The following UTP20 variants were observed in gnomAD, a reference collection of about 807,000 sequenced individuals.
The protein encoded by UTP20 is small subunit processome component 20 homolog.
In UTP20, 164 loss-of-function variants were observed where a neutral mutation model predicts 329.5. The observed-to-expected ratio is 0.50, with a 90% CI of 0.44 to 0.57. The LOEUF is 0.57. UTP20 is among the 20% of genes least tolerant of loss of function. UTP20 has a pLI of 0.00. For missense variants in UTP20, 3,055 were observed against 3,284.2 expected (o/e 0.93, Z 1.71); for synonymous variants, 1,151 against 1,159.3 (o/e 0.99, Z 0.14).
intron 51 of UTP20, among the ~76,000 whole-genome samples, chr12:101,371,557 A>C (rs1475565410): frequency 1.0e-5 from 1 of 100,272 alleles, no homozygotes; most frequent in Non-Finnish European, 1.8e-5. Context: ...TTTGAGACGG[A>C]GTCTCACTCT....
At chr12:101,287,608 C>G (rs1012890724) in intron 5 of UTP20, among the ~76,000 whole-genome samples, 9 of 152,136 alleles carry the variant, frequency 5.9e-5, no homozygotes, top group Non-Finnish European at 1.0e-4. Flanking sequence ...GAGTGTCTGC[C>G]GTATGCCAGG....
At chr12:101,335,573 G>T (rs1438852317) in intron 29 of UTP20, among the ~76,000 whole-genome samples, 1 of 152,146 alleles carries the variant, frequency 6.6e-6, no homozygotes, top group Non-Finnish European at 1.5e-5. Flanking sequence ...CTAGACCATT[G>T]TCTTCTTTGT....
intron 3 of UTP20, 48 bp downstream of exon 3, chr12:101,285,684 A>T: frequency 6.2e-7 from 1 of 1,613,534 alleles, no homozygotes. Flanking sequence ...TTTGCACTTT[A>T]TATGTTCCAT....
At chr12:101,380,199 G>A (rs555083895) in intron 57 of UTP20, among the ~76,000 whole-genome samples, 36 of 151,998 alleles carry the variant, frequency 2.4e-4, no homozygotes, top group African/African-American at 7.7e-4. Flanking sequence ...GCAACATGGC[G>A]AAAACCTATC....
chr12:101,338,580 A>T (rs965266564), intron 30 of UTP20, among the ~76,000 whole-genome samples: 3 of 152,224 alleles, frequency 2.0e-5, no homozygotes, highest in Non-Finnish European at 4.4e-5. Context: ...TTACCAAAAA[A>T]TGGTTTAAAT....
intron 51 of UTP20, among the ~76,000 whole-genome samples, chr12:101,372,249 A>G (rs555899831): frequency 2.8e-4 from 43 of 152,302 alleles, no homozygotes; most frequent in African/African-American, 1.0e-3. Flanking sequence ...TTAATAAAGG[A>G]GGCTAGATAC....
intron 54 of UTP20, 139 bp downstream of exon 54, chr12:101,373,906 A>G (rs1870383311): frequency 3.8e-6 from 4 of 1,056,248 alleles, no homozygotes; most frequent in Non-Finnish European, 5.3e-6. Context: ...TGCAAATAGT[A>G]TATTCTTAAA....
chr12:101,288,983 A>T lies in UTP20; in HGVS notation c.539A>T (p.His180Leu). ...IYSMYSTLLA[H>L]KKLHIRNFAA... Reference sequence around the variant, plus strand: ...AGCATGTACAGCACACTCCTGGCTCATAAAAAACTACATATAAGAAATTTT... The same window carrying T: ...AGCATGTACAGCACACTCCTGGCTCTTAAAAAACTACATATAAGAAATTTT... Residue 180 changes from histidine to leucine, a missense_variant, in exon 6 of 62, where the codon CAT (histidine) becomes CTT (leucine). His to Leu is a moderately conservative substitution (Grantham distance 99, BLOSUM62 -3). Around this residue, in one of 3 missense-constraint regions of UTP20, gnomAD observed 2,445 missense variants for 2,575.5 expected, o/e 0.95. Coordinates refer to ENST00000261637, the MANE Select transcript of UTP20 (RefSeq NM_014503.3). The T allele has an allele frequency of 6.2e-7, 1 of 1,613,958 alleles. No individual in the cohort carries two copies.
rs753739452 is a variant in UTP20, at chr12:101,290,733, G to T, written c.736G>T (p.Ala246Ser). Reference sequence around the variant, plus strand: ...ATGTTAATGACTTGTATTCCCACAGGCAGTGAAGCTAATTTTGCGAAAGCT... The same window carrying T: ...ATGTTAATGACTTGTATTCCCACAGTCAGTGAAGCTAATTTTGCGAAAGCT... The part of the protein sequence containing the change: ...RNMFHSCTGQ[A>S]VKLILRKLGP... Residue 246 changes from alanine (A) to serine (S), a missense_variant and splice_region_variant, in exon 8 of 62, where the codon GCA becomes TCA. This residue lies in a region of UTP20 where 2,445 missense variants were observed against 2,575.5 expected (regional missense o/e 0.95). Transcript: ENST00000261637. The T allele has an allele frequency of 7.5e-6, 12 of 1,605,060 alleles. No individual in the cohort carries two copies. Among genetic ancestry groups the T allele is most frequent in the Non-Finnish European group, 1.0e-5 (12 of 1,177,390 alleles).
Position 101,375,615 on chromosome 12 carries a change from T to G in UTP20, c.7264-9T>G, listed in dbSNP as rs1005055690. 2.5e-6 allele frequency: 4 copies of G among 1,609,534 alleles called. No homozygotes were observed. Among genetic ancestry groups the G allele is most frequent in the Middle Eastern group, 1.7e-4 (1 of 6,026 alleles). On this transcript the variant is annotated splice_polypyrimidine_tract_variant and intron_variant, in intron 55 of 61. Transcript: ENST00000261637. ...TGTTTTCATTGATTTACATCCGTCT[T>G]GTTTTTAGATCATGGAAGAAACTGA...
rs1387138993 is a variant in UTP20 at position 101,365,549 on chromosome 12, A to G, written c.6049A>G (p.Met2017Val). The change falls in exon 46 of 62, where the codon ATG becomes GTG. Residue 2017 changes from methionine to valine, a missense_variant. Met to Val is a conservative substitution (Grantham distance 21). Coordinates refer to ENST00000261637, the MANE Select transcript of UTP20 (RefSeq NM_014503.3). ...AGTGGGATTAATTGTAAATCAGGAA[A>G]TGACAGCTGAATCCATTCTATTACT... is the stretch of plus-strand genomic sequence containing the variant. ...ITVGLIVNQE[M>V]TAESILLLSY... 2 of 1,613,342 alleles carry G rather than the reference A, an allele frequency of 1.2e-6. No individual in the cohort carries two copies. Among genetic ancestry groups the G allele is most frequent in the East Asian group, 2.2e-5 (1 of 44,844 alleles).
chr12:101,338,884 A>AG lies in UTP20; in HGVS notation c.3940_3941insG (p.Thr1314SerfsTer13). On this transcript the variant is annotated frameshift_variant, in exon 31 of 62. Coordinates refer to ENST00000261637, the MANE Select transcript of UTP20 (RefSeq NM_014503.3). LOFTEE classifies it high-confidence loss of function. Reference sequence around the variant, plus strand: ...AATTCTTCAGTATCTCAGCAAAACCACAATAAGCGCAGAAAAGGTGAAAAA... The same window carrying AG: ...AATTCTTCAGTATCTCAGCAAAACCAGCAATAAGCGCAGAAAAGGTGAAAAA... 6.2e-7 allele frequency: 1 copy of AG among 1,612,376 alleles called. No individual in the cohort carries two copies. The highest frequency in any genetic ancestry group is 1.1e-5 in the South Asian group (1 of 90,808).
At chr12:101,308,154 G>T in intron 17 of UTP20, 31 bp from the exon 18 acceptor site, 1 of 1,483,740 alleles carries the variant, frequency 6.7e-7, no homozygotes, top group Admixed American at 2.2e-5. Context: ...ATACTGACTG[G>T]TCTTCTCCAT....
At chr12:101,280,410 C>T in intron 1 of UTP20, 83 bp downstream of exon 1, 1 of 1,515,042 alleles carries the variant, frequency 6.6e-7, no homozygotes, top group South Asian at 1.2e-5. Flanking sequence ...CTCCAGGGGC[C>T]TCAGACTTCT....
At position 101,342,532 on chromosome 12, in the gene UTP20, A is replaced by T. The variant is rs753635463; in HGVS notation, c.4188A>T (p.Lys1396Asn). 6.8e-6 allele frequency: 11 copies of T among 1,613,878 alleles called. No individual in the cohort carries two copies. Among genetic ancestry groups the T allele is most frequent in the Non-Finnish European group, 9.3e-6 (11 of 1,179,896 alleles). ...CAAGCTTCCTCAAGCCTATAGCAAA[A>T]CTTTTCTCAGTTATTAAGAACAAAT... Reference protein sequence around the residue: ...DPTSFLKPIAKLFSVIKNKLS... With the variant: ...DPTSFLKPIANLFSVIKNKLS... The change falls in exon 33 of 62, where the codon AAA becomes AAT. Residue 1396 changes from lysine to asparagine, a missense_variant. By Grantham distance (94) the Lys-to-Asn change is moderately conservative. Coordinates refer to ENST00000261637, the MANE Select transcript of UTP20 (RefSeq NM_014503.3).
chr12:101,337,990 C>A lies in UTP20; in HGVS notation c.3642-61C>A, dbSNP rs563269147. The A allele has an allele frequency of 6.9e-6, 10 of 1,445,920 alleles. No individual in the cohort carries two copies. In the South Asian group the frequency reaches 1.1e-4, roughly 16 times the overall value. 89.6% of individuals were successfully genotyped at this position (1,445,920 alleles called of 1,614,324 possible). ...AACTCATGGTGAAAATTCATATGGA[C>A]ATGTTTTTAGAAGTGAACATATTGA... On this transcript the variant is annotated intron_variant, in intron 29 of 61. Transcript: ENST00000261637.
intron 43 of UTP20, among the ~76,000 whole-genome samples, chr12:101,357,932 A>G (rs1274565616): frequency 6.6e-6 from 1 of 152,200 alleles, no homozygotes; most frequent in Non-Finnish European, 1.5e-5. Flanking sequence ...CTGCATTTTC[A>G]TATGATCCCT....
chr12:101,340,600 A>ATACCC lies in UTP20; in HGVS notation c.4093_4094insCCCTA (p.Ile1365ThrfsTer13). On this transcript the variant is annotated frameshift_variant, in exon 32 of 62. Transcript: ENST00000261637. LOFTEE classifies it high-confidence loss of function. ...CTCCTTCCATTCCTCCACCGTGGCA[A>ATACCC]TATTGCTGAGGTACAAACTCATAGG... 1 of 1,609,938 alleles carries ATACCC rather than the reference A, an allele frequency of 6.2e-7. No homozygotes were observed. Among genetic ancestry groups the ATACCC allele is most frequent in the Non-Finnish European group, 8.5e-7 (1 of 1,177,004 alleles).
At chr12:101,315,506 T>G (rs977424272) in intron 21 of UTP20, among the ~76,000 whole-genome samples, 7 of 150,544 alleles carry the variant, frequency 4.6e-5, no homozygotes, top group African/African-American at 1.7e-4. Flanking sequence ...GCTAGAACCA[T>G]GTCTTCAAAT....
Sources: allele counts gnomAD v4.1 joint callset (sites outside exome capture counted in the v4.1 genomes callset), GRCh38; gene constraint gnomAD v4.1.1; regional missense constraint gnomAD v4.1.1; transcripts MANE v1.5; gene names NCBI Gene and HGNC (gene_info 2026-07-23, HGNC 2026-07-21).